CCDC7: variants seen among roughly 807,000 people sequenced by gnomAD.
CCDC7 encodes coiled-coil domain containing 7.
Under a neutral mutation model 196.9 loss-of-function variants are expected in CCDC7, and 183 were observed. The observed-to-expected ratio is 0.93, with a 90% CI of 0.82 to 1.05. CCDC7 has a LOEUF of 1.05. CCDC7 is among the 50% of genes least tolerant of loss of function. The pLI, the probability that CCDC7 is intolerant of heterozygous loss-of-function variation, is 0.00. For missense variants in CCDC7, 1,540 were observed against 1,482.2 expected, an observed-to-expected ratio of 1.04 and a Z score of -0.64; for synonymous variants, 525 against 484.6, an observed-to-expected ratio of 1.08 and a Z score of -1.10.
At chr10:32,638,012 CA>C (rs1180622071) in intron 20 of CCDC7, among the ~76,000 whole-genome samples, 1 of 152,108 alleles carries the variant, frequency 6.6e-6, no homozygotes, top group Non-Finnish European at 1.5e-5. Context: ...GGAATTCACT[CA>C]TGATTTGGCT....
intron 41 of CCDC7, among the ~76,000 whole-genome samples, chr10:32,872,439 C>T (rs1039022943): frequency 1.3e-4 from 20 of 151,690 alleles, no homozygotes; most frequent in African/African-American, 3.9e-4. Context: ...TGTCTCTGCA[C>T]GTGAGATGGG....
At chr10:32,658,693 T>G (rs2070528789) in intron 20 of CCDC7, among the ~76,000 whole-genome samples, 1 of 152,210 alleles carries the variant, frequency 6.6e-6, no homozygotes, top group South Asian at 2.1e-4. Flanking sequence ...AAAGAAGTTC[T>G]GTCAGTTGCA....
intron 29 of CCDC7, among the ~76,000 whole-genome samples, chr10:32,804,569 G>C (rs1382678094): frequency 1.3e-5 from 2 of 152,026 alleles, no homozygotes; most frequent in South Asian, 2.1e-4. Context: ...GAAGATCATT[G>C]TTTTCAAGTT....
At chr10:32,445,640 C>T (rs2030759654), upstream of CCDC7, among the ~76,000 whole-genome samples, 1 of 152,164 alleles carries the variant, frequency 6.6e-6, no homozygotes, top group Admixed American at 6.5e-5. Flanking sequence ...TAAAGCAGTG[C>T]GTGGAAACTG....
intron 9 of CCDC7, among the ~76,000 whole-genome samples, chr10:32,507,262 A>T (rs955513315): frequency 6.6e-6 from 1 of 152,058 alleles, no homozygotes; most frequent in South Asian, 2.1e-4. Flanking sequence ...AAGTGCTGGG[A>T]TTACAGGCAT....
intron 21 of CCDC7, among the ~76,000 whole-genome samples, chr10:32,669,902 A>G (rs867331822): frequency 6.6e-6 from 1 of 152,100 alleles, no homozygotes; most frequent in East Asian, 1.9e-4. Context: ...TTATACGTGA[A>G]TTCTCTTTCT....
intron 18 of CCDC7, among the ~76,000 whole-genome samples, chr10:32,606,480 G>A (rs983590199): frequency 2.0e-5 from 3 of 152,230 alleles, no homozygotes; most frequent in African/African-American, 7.2e-5. Context: ...TGGAAAAACT[G>A]TAGGCACTCA....
intron 30 of CCDC7, among the ~76,000 whole-genome samples, chr10:32,813,097 A>G (rs1390402913): frequency 1.7e-5 from 2 of 120,908 alleles, no homozygotes; most frequent in East Asian, 2.8e-4. Flanking sequence ...CAAAACAGCA[A>G]CAACAACAAC....
intron 24 of CCDC7, among the ~76,000 whole-genome samples, chr10:32,697,488 A>G (rs190874340): frequency 5.4e-4 from 82 of 152,262 alleles, no homozygotes; most frequent in Admixed American, 1.7e-3. Flanking sequence ...GCGCTTTTCC[A>G]ATGGTCTTAG....
At chr10:32,858,062 C>T (rs2093824132) in intron 41 of CCDC7, among the ~76,000 whole-genome samples, 1 of 125,174 alleles carries the variant, frequency 8.0e-6, no homozygotes, top group Non-Finnish European at 1.9e-5. Flanking sequence ...ATATAAGCTA[C>T]CAAGATTGAA....
chr10:32,701,195 T>C (rs2078657272), intron 24 of CCDC7, among the ~76,000 whole-genome samples: 1 of 152,210 alleles, frequency 6.6e-6, no homozygotes, highest in African/African-American at 2.4e-5. Context: ...TGTGGATTTG[T>C]CCTGGATAGC....
intron 22 of CCDC7, 133 bp from the exon 24 acceptor site, chr10:32,688,920 A>G: frequency 1.6e-6 from 1 of 634,680 alleles, no homozygotes; most frequent in Admixed American, 3.2e-5. Flanking sequence ...TAGTAGATAT[A>G]GCATTATGGT....
rs554391798 is a variant in CCDC7 at position 32,566,882 on chromosome 10, T to C, written c.1198-788T>C. Among the ~76,000 whole-genome samples, 11 of 147,260 alleles carry C rather than the reference T, an allele frequency of 7.5e-5. No individual in the cohort carries two copies. The East Asian group carries it at 2.0e-3, about 26-fold the overall frequency. On this transcript the variant is annotated intron_variant, in intron 14 of 41. Coordinates refer to ENST00000639629, the Ensembl canonical transcript of CCDC7. ...AAAACCCCGCAGATATATATATATA[T>C]AGCTAATATATATATTAGCTATGTA...
At chr10:32,679,874 T>C (rs896800700) in intron 21 of CCDC7, among the ~76,000 whole-genome samples, 10 of 152,186 alleles carry the variant, frequency 6.6e-5, no homozygotes, top group Admixed American at 2.0e-4. Context: ...CATACAAGGG[T>C]AAACTGATCC....
At chr10:32,679,771 C>A (rs1420647823) in intron 21 of CCDC7, among the ~76,000 whole-genome samples, 1 of 152,148 alleles carries the variant, frequency 6.6e-6, no homozygotes, top group African/African-American at 2.4e-5. Context: ...AAGGCTAGTC[C>A]TTCCTCTGGT....
intron 29 of CCDC7, among the ~76,000 whole-genome samples, chr10:32,791,634 A>G (rs1215669910): frequency 6.6e-6 from 1 of 151,588 alleles, no homozygotes; most frequent in Non-Finnish European, 1.5e-5. Flanking sequence ...AGAAGAAAAA[A>G]AATCTGTGAC....
At chr10:32,771,099 G>T (rs2079090046) in intron 28 of CCDC7, among the ~76,000 whole-genome samples, 1 of 152,116 alleles carries the variant, frequency 6.6e-6, no homozygotes, top group African/African-American at 2.4e-5. Flanking sequence ...TAAGATGTGA[G>T]GTACTGTTTT....
chr10:32,750,672 A>G (rs909461108), intron 28 of CCDC7, among the ~76,000 whole-genome samples: 13 of 152,196 alleles, frequency 8.5e-5, no homozygotes, highest in African/African-American at 3.1e-4. Flanking sequence ...AAGCAAGCCC[A>G]TTGATTCACT....
intron 9 of CCDC7, among the ~76,000 whole-genome samples, chr10:32,496,182 GCT>G (rs2042891910): frequency 6.6e-6 from 1 of 151,766 alleles, no homozygotes; most frequent in Non-Finnish European, 1.5e-5. Flanking sequence ...TCATGATTTG[GCT>G]CTCTGTCTGT....
Sources: gnomAD v4.1 joint callset for allele counts (sites outside exome capture counted in the v4.1 genomes callset) on GRCh38, gnomAD v4.1.1 for gene constraint, MANE v1.5 for transcripts, NCBI Gene and HGNC (gene_info 2026-07-23, HGNC 2026-07-21) for gene names.